Variants in UBE2W observed in about 807,000 individuals in gnomAD.
UBE2W encodes ubiquitin conjugating enzyme E2 W, also known as ubiquitin-conjugating enzyme E2 W.
Under a neutral mutation model 27.2 loss-of-function variants are expected in UBE2W, and 18 were observed. The ratio of observed to expected loss-of-function variants is 0.66; its 90% CI spans 0.46 to 0.98. UBE2W has a LOEUF of 0.98. UBE2W is among the 50% of genes least tolerant of loss of function. The probability of loss-of-function intolerance (pLI) is 0.00; values close to 1 mark genes in which losing one functional copy is unlikely to be tolerated. For synonymous variants in UBE2W, 53 were observed against 57.2 expected (o/e 0.93, Z 0.33); for missense variants, 90 against 180.2 (o/e 0.50, Z 2.87).
Position 73,786,407 on chromosome 8 carries a change from C to G in UBE2W, c.*7695G>C. ...CATAACCAAGTTAATTCAATACACA[C>G]TTATTAAATGCCTATGTGCTACAGG... On this transcript the variant is annotated 3_prime_UTR_variant, in exon 6 of 6. Transcript: ENST00000602593. The G allele has an allele frequency of 1.0e-6, 1 of 985,090 alleles. No homozygotes were observed. The highest frequency in any genetic ancestry group is 1.2e-6 in the Non-Finnish European group (1 of 829,630). 61.0% of individuals were successfully genotyped at this position (985,090 alleles called of 1,614,324 possible). A position where few individuals can be genotyped will look rare whatever the true frequency, so the allele number is the denominator to read the frequency against.
chr8:73,814,864 AGCAGTATG>A (rs1049318481), intron 3 of UBE2W, among the ~76,000 whole-genome samples: 1 of 152,178 alleles, frequency 6.6e-6, no homozygotes, highest in Admixed American at 6.5e-5. Flanking sequence ...ACATCTCCCG[AGCAGTATG>A]GCTTATTCAA....
intron 3 of UBE2W, among the ~76,000 whole-genome samples, chr8:73,815,914 C>T (rs1809367009): frequency 6.6e-6 from 1 of 152,126 alleles, no homozygotes; most frequent in Non-Finnish European, 1.5e-5. Context: ...TGTGTAACTA[C>T]ATAAACTGAA....
rs1162831334 is a variant in UBE2W at position 73,787,585 on chromosome 8, C to G, written c.*6517G>C. On this transcript the variant is annotated 3_prime_UTR_variant, in exon 6 of 6. Transcript: ENST00000602593. The stretch of plus-strand genomic sequence containing the variant: ...AGGACTAAGGTGCTCCTGGGGCAAG[C>G]AGATCCCCTGCAGAAAAGCTTAGAA... The G allele has an allele frequency of 8.1e-6, 8 of 985,256 alleles. No individual in the cohort carries two copies. In the East Asian group the frequency reaches 7.9e-4, roughly 98 times the overall value. 61.0% of individuals were successfully genotyped at this position (985,256 alleles called of 1,614,324 possible).
chr8:73,866,961 C>T (rs199734040), intron 1 of UBE2W, among the ~76,000 whole-genome samples: 1 of 150,150 alleles, frequency 6.7e-6, no homozygotes, highest in Admixed American at 6.6e-5. Flanking sequence ...GCCGAGATCA[C>T]GCCACCGCAC....
chr8:73,805,790 TA>T, intron 4 of UBE2W, 64 bp from the exon 5 acceptor site: 1 of 946,830 alleles, frequency 1.1e-6, no homozygotes, highest in South Asian at 2.2e-5. Flanking sequence ...ACAGTTTTAA[TA>T]AAAGCTTAAG....
Position 73,799,683 on chromosome 8 carries a change from G to C in UBE2W, c.443-5568C>G, listed in dbSNP as rs146488380. Among the ~76,000 whole-genome samples, 57 of 152,304 alleles carry C rather than the reference G, an allele frequency of 3.7e-4. 1 individual carries two copies. The Middle Eastern group carries it at 0.01, about 27-fold the overall frequency. Reference sequence around the variant, plus strand: ...AAGTATGTCAGGAAGCACCACACAGGAGGACTGTGGAGCTTGAGACCTGAG... The same window carrying C: ...AAGTATGTCAGGAAGCACCACACAGCAGGACTGTGGAGCTTGAGACCTGAG... On this transcript the variant is annotated intron_variant, in intron 5 of 5. Coordinates refer to ENST00000602593, the MANE Select transcript of UBE2W (RefSeq NM_018299.6).
intron 1 of UBE2W, among the ~76,000 whole-genome samples, chr8:73,846,612 C>A (rs1203416641): frequency 6.6e-6 from 1 of 151,970 alleles, no homozygotes; most frequent in Non-Finnish European, 1.5e-5. Context: ...AGTTTGTGAC[C>A]AACTTACAAA....
chr8:73,872,787 A>T (rs1452532686), intron 1 of UBE2W, among the ~76,000 whole-genome samples: 2 of 152,242 alleles, frequency 1.3e-5, no homozygotes, highest in African/African-American at 4.8e-5. Flanking sequence ...TTTATAACAC[A>T]AGGTTACTTT....
intron 3 of UBE2W, among the ~76,000 whole-genome samples, chr8:73,824,757 C>T (rs2130898496): frequency 6.6e-6 from 1 of 152,330 alleles, no homozygotes; most frequent in African/African-American, 2.4e-5. Context: ...GAATCTAATG[C>T]CATCGCTGAT....
intron 3 of UBE2W, among the ~76,000 whole-genome samples, chr8:73,818,270 C>T (rs1471911144): frequency 1.3e-5 from 2 of 152,186 alleles, no homozygotes; most frequent in African/African-American, 4.8e-5. Flanking sequence ...TTGATTTCAA[C>T]CTTTAAAACA....
chr8:73,783,556 G>A (rs1807880669), downstream of UBE2W, among the ~76,000 whole-genome samples: 1 of 151,982 alleles, frequency 6.6e-6, no homozygotes, highest in Non-Finnish European at 1.5e-5. Flanking sequence ...TATTCCAGTA[G>A]TTCATATTAT....
At chr8:73,809,260 C>A (rs567888309) in intron 4 of UBE2W, among the ~76,000 whole-genome samples, 1 of 152,120 alleles carries the variant, frequency 6.6e-6, no homozygotes, top group South Asian at 2.1e-4. Context: ...TTCTAAATAA[C>A]CTATCATTAA....
intron 1 of UBE2W, among the ~76,000 whole-genome samples, chr8:73,835,406 C>A (rs1229505637): frequency 6.6e-6 from 1 of 152,138 alleles, no homozygotes; most frequent in Non-Finnish European, 1.5e-5. Flanking sequence ...TGGAATACAG[C>A]AGAAATGGTG....
chr8:73,867,408 G>A (rs933072150), intron 1 of UBE2W, among the ~76,000 whole-genome samples: 2 of 151,858 alleles, frequency 1.3e-5, no homozygotes, highest in African/African-American at 2.4e-5. Context: ...GGTGGCACAC[G>A]CCTGTAGTCC....
At chr8:73,861,412 C>T (rs1811528865) in intron 1 of UBE2W, among the ~76,000 whole-genome samples, 1 of 152,112 alleles carries the variant, frequency 6.6e-6, no homozygotes, top group African/African-American at 2.4e-5. Flanking sequence ...ATTCCAAGTA[C>T]CTAGAAAGGA....
Position 73,788,278 on chromosome 8 carries a change from CTT to C in UBE2W, c.*5822_*5823del, listed in dbSNP as rs1009089125. 2.1e-6 allele frequency: 2 copies of C among 974,212 alleles called. No individual in the cohort carries two copies. The highest frequency in any genetic ancestry group is 2.4e-6 in the Non-Finnish European group (2 of 819,756). The allele number at this position is 974,212 out of a possible 1,614,324, so 60.3% of individuals were successfully genotyped here. On this transcript the variant is annotated 3_prime_UTR_variant, in exon 6 of 6. Coordinates refer to ENST00000602593, the MANE Select transcript of UBE2W (RefSeq NM_018299.6). ...TTATATTCTATTTAAAAAGTAGTGA[CTT>C]TACATATTTTGCAACTTGAGTTTAT...
intron 1 of UBE2W, among the ~76,000 whole-genome samples, chr8:73,842,633 C>G (rs924634773): frequency 6.7e-6 from 1 of 150,160 alleles, no homozygotes; most frequent in African/African-American, 2.5e-5. Context: ...AAAAAGCAAG[C>G]CTCAAAAATA....
intron 1 of UBE2W, among the ~76,000 whole-genome samples, chr8:73,860,915 G>A (rs987690285): frequency 6.6e-6 from 1 of 152,046 alleles, no homozygotes; most frequent in Non-Finnish European, 1.5e-5. Flanking sequence ...GAGGAGGATC[G>A]CTTGAGGCAG....
At chr8:73,826,789 A>G (rs919934295) in intron 2 of UBE2W, among the ~76,000 whole-genome samples, 4 of 152,230 alleles carry the variant, frequency 2.6e-5, no homozygotes, top group African/African-American at 4.8e-5. Context: ...CTCAATAATA[A>G]AACAGAAGAT....
Sources: allele counts gnomAD v4.1 joint callset (sites outside exome capture counted in the v4.1 genomes callset), GRCh38; gene constraint gnomAD v4.1.1; transcripts MANE v1.5; gene names NCBI Gene and HGNC (gene_info 2026-07-23, HGNC 2026-07-21).